Variants in EME2 observed in about 807,000 individuals in gnomAD.
EME2 encodes essential meiotic structure-specific endonuclease subunit 2.
A neutral mutation model predicts 41.9 loss-of-function variants in EME2; 58 were observed. The observed-to-expected ratio is 1.38, with a 90% CI of 1.12 to 1.72. The LOEUF (loss-of-function observed/expected upper bound fraction) is 1.72, where lower values mean the gene tolerates loss of function less well. EME2 is among the 40% of genes most tolerant of loss of function. EME2 has a pLI of 0.00. For missense variants in EME2, 695 were observed against 541.9 expected (o/e 1.28, Z -2.81); for synonymous variants, 334 against 239.3 (o/e 1.40, Z -3.65).
intron 5 of EME2, 62 bp downstream of exon 5, chr16:1,775,470 C>A (rs2042696912): frequency 6.3e-7 from 1 of 1,599,068 alleles, no homozygotes; most frequent in Admixed American, 1.7e-5. Context: ...GGGCTGCTGG[C>A]TGGGTTTGGT....
rs1567227562 is a variant in EME2 at position 1,775,074 on chromosome 16, TC to T, written c.516del (p.Glu173ArgfsTer71). The T allele has an allele frequency of 6.2e-7, 1 of 1,610,142 alleles. No homozygotes were observed. On this transcript the variant is annotated frameshift_variant, in exon 4 of 8. Transcript: ENST00000568449. LOFTEE classifies it high-confidence loss of function. ...SGPTHWVPWI[S>X]PETTARPHLA... Reference sequence around the variant, plus strand: ...CCCAACCCACTGGGTGCCCTGGATCTCCCCCGAGACCACCGCCCGGCCCCAC... The same window carrying T: ...CCCAACCCACTGGGTGCCCTGGATCTCCCCGAGACCACCGCCCGGCCCCAC...
Position 1,774,308 on chromosome 16 carries a change from C to G in EME2, c.433C>G (p.Leu145Val). Residue 145 changes from leucine to valine, a missense_variant, in exon 3 of 8, where the codon CTG becomes GTG. Transcript: ENST00000568449. ...AGGTGAACAGGAATTGCTGCTGCTG[C>G]TGGAGCCCGAGGAGTTTCTGCAGGG... ...AAGEQELLLLLEPEEFLQGVA... is the reference protein window; with the variant it reads ...AAGEQELLLLVEPEEFLQGVA... The G allele has an allele frequency of 6.2e-7, 1 of 1,612,808 alleles. No individual in the cohort carries two copies. The highest frequency in any genetic ancestry group is 8.5e-7 in the Non-Finnish European group (1 of 1,179,930).
intron 1 of EME2, 68 bp from the exon 2 acceptor site, chr16:1,773,637 C>A: frequency 6.5e-7 from 1 of 1,544,340 alleles, no homozygotes; most frequent in South Asian, 1.2e-5. Context: ...GGTCCGGCCA[C>A]CCGCCCAGGT....
At chr16:1,774,983 C>G (rs984710714) in intron 3 of EME2, 58 bp from the exon 4 acceptor site, 1 of 1,375,886 alleles carries the variant, frequency 7.3e-7, no homozygotes, top group Non-Finnish European at 1.0e-6. Flanking sequence ...GCCTGGTGGC[C>G]CATGGCCATA....
Position 1,777,646 on chromosome 16 carries a change from G to A in EME2, c.*1408G>A. 5 of 1,544,888 alleles carry A rather than the reference G, an allele frequency of 3.2e-6. No homozygotes were observed. The South Asian group carries it at 4.8e-5, about 15-fold the overall frequency. On this transcript the variant is annotated 3_prime_UTR_variant, in exon 8 of 8. Coordinates refer to ENST00000568449, the MANE Select transcript of EME2 (RefSeq NM_001257370.2). ...CCCTGGGGCCTCAGGCTTCTGGGAGGAACCCTTTCAGAAAACCTCAGTGTC... is the reference window on the plus strand; with the variant it reads ...CCCTGGGGCCTCAGGCTTCTGGGAGAAACCCTTTCAGAAAACCTCAGTGTC...
Position 1,775,133 on chromosome 16 carries a change from G to T in EME2, c.569+1G>T. The T allele has an allele frequency of 6.2e-7, 1 of 1,612,076 alleles. No homozygotes were observed. The highest frequency in any genetic ancestry group is 1.1e-5 in the South Asian group (1 of 91,088). On this transcript the variant is annotated splice_donor_variant, in intron 4 of 7. Coordinates refer to ENST00000568449, the MANE Select transcript of EME2 (RefSeq NM_001257370.2). LOFTEE classifies it high-confidence loss of function. ...TCATCGGGCTGGATGCCTACCTGTG[G>T]TACCGCTCACTCTCATGCCCACAGC...
In EME2 at chr16:1,773,777, A is replaced by T. The variant is rs750205139; in HGVS notation, c.320A>T (p.Glu107Val). ...GCCCTGGGCTGCGAGTGCCGCATCG[A>T]GCCCCAGCGCCCGGCCCGCAGCCTG... ...LEALGCECRI[E>V]PQRPARSLRW... is the part of the protein sequence containing the mutation. The change falls in exon 2 of 8, where the codon GAG becomes GTG. Residue 107 changes from glutamate to valine, a missense_variant. Physicochemically the swap from Glu to Val is moderately radical, Grantham distance 121. Transcript: ENST00000568449. 4.7e-5 allele frequency: 73 copies of T among 1,552,166 alleles called. 1 individual carries two copies. The South Asian group carries it at 8.4e-4, about 18-fold the overall frequency.
intron 3 of EME2, 142 bp from the exon 4 acceptor site, chr16:1,774,899 G>C (rs2042685476): frequency 1.4e-6 from 1 of 718,540 alleles, no homozygotes; most frequent in East Asian, 2.5e-5. Context: ...TTTCTCAGAA[G>C]GGGTAACGGA....
rs762080590 is a variant in EME2 at position 1,776,215 on chromosome 16, C to G, written c.1117C>G (p.Leu373Val). The change falls in exon 8 of 8, where the codon CTC becomes GTC. Residue 373 changes from leucine (L) to valine (V), a missense_variant. By Grantham distance (32) the Leu-to-Val change is conservative (BLOSUM62 1). Coordinates refer to ENST00000568449, the MANE Select transcript of EME2 (RefSeq NM_001257370.2). ...CLFLTTANPDLLLDLGS is the reference protein window; with the variant it reads ...CLFLTTANPDVLLDLGS ...CTTCCTGACCACAGCCAACCCTGAT[C>G]TCCTGCTGGACCTGGGCTCCTGACC... The G allele has an allele frequency of 1.2e-6, 2 of 1,612,450 alleles. No homozygotes were observed. Among genetic ancestry groups the G allele is most frequent in the African/African-American group, 2.7e-5 (2 of 74,944 alleles).
Position 1,778,405 on chromosome 16 carries a change from G to T in EME2, c.*2167G>T. On this transcript the variant is annotated 3_prime_UTR_variant, in exon 8 of 8. Coordinates refer to ENST00000568449, the MANE Select transcript of EME2 (RefSeq NM_001257370.2). ...CACCCCCAGGCCCGCCCGCAGTGCA[G>T]TCCCAGCAGGGGCTGGGCCCCACGC... 6.2e-7 allele frequency: 1 copy of T among 1,605,980 alleles called. No homozygotes were observed. The highest frequency in any genetic ancestry group is 8.5e-7 in the Non-Finnish European group (1 of 1,176,560).
rs1313746024 is a variant in EME2, at chr16:1,780,670, A to G, written c.*4432A>G. 1.2e-5 allele frequency: 2 copies of G among 160,288 alleles called. No individual in the cohort carries two copies. Among genetic ancestry groups the G allele is most frequent in the Admixed American group, 5.9e-5 (1 of 16,898 alleles). The allele number at this position is 160,288 out of a possible 1,614,324, so 9.9% of individuals were successfully genotyped here. On this transcript the variant is annotated 3_prime_UTR_variant, in exon 8 of 8. Coordinates refer to ENST00000568449, the MANE Select transcript of EME2 (RefSeq NM_001257370.2). ...TGTACTGGCAGAAGAAGCGTCTGGT[A>G]AGACAACCAGCAAGTTAACAATGGT...
intron 2 of EME2, 32 bp downstream of exon 2, chr16:1,773,873 G>A (rs774425457): frequency 2.6e-6 from 4 of 1,515,690 alleles, no homozygotes; most frequent in East Asian, 4.9e-5. Flanking sequence ...AGGGCCAGCC[G>A]CGAGTTGGCT....
Position 1,773,137 on chromosome 16 carries a change from A to G in EME2, c.-91A>G. ...CGCGCCATGGCGGGTCCGCGTCCTC[A>G]GCGGTCCGGCCGGAAGTCACCGGAA... On this transcript the variant is annotated 5_prime_UTR_variant, in exon 1 of 8. Transcript: ENST00000568449. The G allele has an allele frequency of 7.2e-7, 1 of 1,389,868 alleles. No individual in the cohort carries two copies. Among genetic ancestry groups the G allele is most frequent in the Non-Finnish European group, 9.3e-7 (1 of 1,077,504 alleles). The allele number at this position is 1,389,868 out of a possible 1,614,324, so 86.1% of individuals were successfully genotyped here.
In EME2 at chr16:1,780,940, C is replaced by T. The variant is rs566797213; in HGVS notation, c.*4702C>T. The T allele has an allele frequency of 2.9e-6, 1 of 343,954 alleles. No individual in the cohort carries two copies. The highest frequency in any genetic ancestry group is 5.7e-6 in the Non-Finnish European group (1 of 176,278). 21.3% of individuals were successfully genotyped at this position (343,954 alleles called of 1,614,324 possible). A position where few individuals can be genotyped will look rare whatever the true frequency, so the allele number is the denominator to read the frequency against. Reference sequence around the variant, plus strand: ...TAGAGACAGTGTTTCACCATGTTGCCCAGGCAGGTCTCAAACTCCTGGGCT... The same window carrying T: ...TAGAGACAGTGTTTCACCATGTTGCTCAGGCAGGTCTCAAACTCCTGGGCT... On this transcript the variant is annotated 3_prime_UTR_variant, in exon 8 of 8. Transcript: ENST00000568449.
rs769547421 is a variant in EME2, at chr16:1,778,617, G to A, written c.*2379G>A. 1.5e-5 allele frequency: 23 copies of A among 1,541,936 alleles called. No individual in the cohort carries two copies. In the South Asian group the frequency reaches 2.7e-4, roughly 18 times the overall value. The stretch of plus-strand genomic sequence containing the variant: ...GTCGGAGTCCGAGTCGCTGTGCTGG[G>A]AGAGAAGGGCCGGCTGTTACTACCT... On this transcript the variant is annotated 3_prime_UTR_variant, in exon 8 of 8. Transcript: ENST00000568449.
Position 1,774,260 on chromosome 16 carries a change from C to G in EME2, c.385C>G (p.Leu129Val), listed in dbSNP as rs370257315. 1.9e-6 allele frequency: 3 copies of G among 1,612,434 alleles called. No homozygotes were observed. The highest frequency in any genetic ancestry group is 2.5e-6 in the Non-Finnish European group (3 of 1,179,752). The part of the protein sequence containing the change: ...RASPDPCPRS[L>V]PPEVWAAGEQ... The stretch of plus-strand genomic sequence containing the variant: ...GCAGCGCGTCCCCATGTCCCCACAG[C>G]TGCCTCCTGAAGTGTGGGCTGCAGG... Residue 129 changes from leucine to valine, a missense_variant and splice_region_variant, in exon 3 of 8, where the codon CTG becomes GTG. Leu to Val is a conservative substitution (Grantham distance 32). Transcript: ENST00000568449.
Position 1,774,883 on chromosome 16 carries a change from G to C in EME2, c.478-158G>C, listed in dbSNP as rs1488041134. 5 of 689,464 alleles carry C rather than the reference G, an allele frequency of 7.3e-6. No individual in the cohort carries two copies. The East Asian group carries it at 9.9e-5, about 14-fold the overall frequency. The allele number at this position is 689,464 out of a possible 1,614,324, so 42.7% of individuals were successfully genotyped here. On this transcript the variant is annotated intron_variant, in intron 3 of 7. Transcript: ENST00000568449. Reference sequence around the variant, plus strand: ...TCTTTGGCCTCGTGGGAGGCACAGAGCTGGTTTTCTCAGAAGGGGTAACGG... The same window carrying C: ...TCTTTGGCCTCGTGGGAGGCACAGACCTGGTTTTCTCAGAAGGGGTAACGG...
In EME2 at chr16:1,781,314, C is replaced by G. The variant is rs370556158; in HGVS notation, c.*5076C>G. The stretch of plus-strand genomic sequence containing the variant: ...TCTGCCTGCCTGCCTAGGGCATCTC[C>G]ACACCTTAGGCCAGCCACGTCCGCC... On this transcript the variant is annotated 3_prime_UTR_variant, in exon 8 of 8. Transcript: ENST00000568449. 2.1e-4 allele frequency: 338 copies of G among 1,612,794 alleles called. No individual in the cohort carries two copies. The highest frequency in any genetic ancestry group is 3.3e-4 in the Middle Eastern group (2 of 6,062).
In EME2 at chr16:1,775,852, G is replaced by T. The variant is rs763966095; in HGVS notation, c.835G>T (p.Gly279Cys). ...SFCTAGRWAA[G>C]EPVARDGAGL... ...CTGCACAGCAGGGCGCTGGGCAGCC[G>T]GCGAGCCAGTGGCAAGAGACGGCGC... The change falls in exon 7 of 8, where the codon GGC becomes TGC. Residue 279 changes from glycine (G) to cysteine (C), a missense_variant. By Grantham distance (159) the Gly-to-Cys change is radical. Coordinates refer to ENST00000568449, the MANE Select transcript of EME2 (RefSeq NM_001257370.2). The T allele has an allele frequency of 1.9e-6, 3 of 1,612,424 alleles. No homozygotes were observed. In the South Asian group the frequency reaches 3.3e-5, roughly 18 times the overall value.
Sources: allele counts gnomAD v4.1 joint callset, GRCh38; gene constraint gnomAD v4.1.1; transcripts MANE v1.5; gene names NCBI Gene and HGNC (gene_info 2026-07-23, HGNC 2026-07-21).